The following AKAP19 variants were observed in gnomAD, a reference collection of about 807,000 sequenced individuals.
AKAP19 encodes the protein small A-kinase anchoring protein.
chr2:190,048,544 CCCATTAA>C, the AKAP19 span, among the ~76,000 whole-genome samples: 7 of 152,150 alleles, frequency 4.6e-5, no homozygotes, highest in Admixed American at 4.6e-4. Context: ...CCTGCTAGTA[CCCATTAA>C]CCATCCCCCC....
the AKAP19 span, among the ~76,000 whole-genome samples, chr2:189,893,663 C>T: frequency 3.3e-5 from 5 of 152,248 alleles, no homozygotes; most frequent in East Asian, 3.9e-4. Context: ...TGTTCCTGTT[C>T]GGCCATCGTG....
chr2:189,996,102 G>A, the AKAP19 span, among the ~76,000 whole-genome samples: 7 of 152,042 alleles, frequency 4.6e-5, no homozygotes, highest in African/African-American at 7.2e-5. Flanking sequence ...CTGAATTTCC[G>A]AGATGTTCTT....
chr2:190,051,874 G>A, the AKAP19 span, among the ~76,000 whole-genome samples: 3 of 147,176 alleles, frequency 2.0e-5, no homozygotes, highest in Non-Finnish European at 4.4e-5. Context: ...GTCTTGCTCT[G>A]TGGCCCAGGC....
the AKAP19 span, among the ~76,000 whole-genome samples, chr2:189,893,109 G>A: frequency 2.0e-5 from 3 of 152,272 alleles, no homozygotes; most frequent in East Asian, 1.9e-4. Flanking sequence ...GTCCCAGGTC[G>A]ACTTCAGACT....
At chr2:190,039,988 A>C in the AKAP19 span, among the ~76,000 whole-genome samples, 1 of 152,188 alleles carries the variant, frequency 6.6e-6, no homozygotes, top group African/African-American at 2.4e-5. Flanking sequence ...GAACATTTGC[A>C]TGCATGTATC....
the AKAP19 span, among the ~76,000 whole-genome samples, chr2:189,892,758 G>T: frequency 6.6e-6 from 1 of 152,212 alleles, no homozygotes; most frequent in East Asian, 1.9e-4. Context: ...GAGCTTGAGT[G>T]CTGTGCTGGG....
chr2:189,914,393 G>A, the AKAP19 span, among the ~76,000 whole-genome samples: 1 of 151,954 alleles, frequency 6.6e-6, no homozygotes, highest in Non-Finnish European at 1.5e-5. Context: ...TTCTTGGTAG[G>A]ATAAACAATT....
chr2:190,131,661 G>C, the AKAP19 span, among the ~76,000 whole-genome samples: 1 of 152,246 alleles, frequency 6.6e-6, no homozygotes, highest in Non-Finnish European at 1.5e-5. Context: ...TCAGGCCACA[G>C]CCTGGGGTTT....
chr2:190,029,459 A>C, the AKAP19 span, among the ~76,000 whole-genome samples: 10 of 152,224 alleles, frequency 6.6e-5, no homozygotes, highest in African/African-American at 2.4e-4. Flanking sequence ...ATAAAGAAAT[A>C]CCACACAGCC....
At chr2:189,985,701 A>G in the AKAP19 span, among the ~76,000 whole-genome samples, 1 of 152,222 alleles carries the variant, frequency 6.6e-6, no homozygotes, top group African/African-American at 2.4e-5. Flanking sequence ...AGTCCAGCTG[A>G]CAGCTTGAGT....
At chr2:190,038,961 C>CTTCT in the AKAP19 span, among the ~76,000 whole-genome samples, 1 of 145,046 alleles carries the variant, frequency 6.9e-6, no homozygotes, top group Admixed American at 6.9e-5. Context: ...TCTTCTTCTT[C>CTTCT]TTCTTCTTCT....
the AKAP19 span, among the ~76,000 whole-genome samples, chr2:190,177,950 A>T: frequency 6.6e-6 from 1 of 152,286 alleles, no homozygotes; most frequent in East Asian, 1.9e-4. The surrounding 1 kb of genome is among the most constrained non-coding windows in gnomAD (Gnocchi z 4.6). Context: ...AAACAAAACC[A>T]CTAAACACTT....
the AKAP19 span, among the ~76,000 whole-genome samples, chr2:190,096,605 T>C: frequency 3.3e-5 from 5 of 152,238 alleles, no homozygotes; most frequent in East Asian, 7.7e-4. Flanking sequence ...CATGCTATCA[T>C]TGACTCTGCT....
chr2:190,053,016 T>C, the AKAP19 span, among the ~76,000 whole-genome samples: 1 of 152,220 alleles, frequency 6.6e-6, no homozygotes, highest in African/African-American at 2.4e-5. Flanking sequence ...ATTTAAAACA[T>C]CAGCTTTATT....
the AKAP19 span, among the ~76,000 whole-genome samples, chr2:190,040,031 A>G: frequency 6.6e-6 from 1 of 152,346 alleles, no homozygotes; most frequent in Non-Finnish European, 1.5e-5. Context: ...ACATCTGGGT[A>G]TATACCCAGT....
At chr2:190,008,239 T>A in the AKAP19 span, among the ~76,000 whole-genome samples, 9 of 152,220 alleles carry the variant, frequency 5.9e-5, no homozygotes, top group African/African-American at 2.2e-4. Flanking sequence ...TTAAGCAAAG[T>A]ATGTAAATCC....
the AKAP19 span, among the ~76,000 whole-genome samples, chr2:190,002,505 C>T: frequency 6.6e-6 from 1 of 151,908 alleles, no homozygotes; most frequent in African/African-American, 2.4e-5. Context: ...AACAAACCTG[C>T]ACATAGTGCA....
chr2:189,969,447 G>A, the AKAP19 span, among the ~76,000 whole-genome samples: 1 of 152,084 alleles, frequency 6.6e-6, no homozygotes. Context: ...AACAGACTAA[G>A]ACACACCCAC....
chr2:190,057,498 A>G, the AKAP19 span: 4 of 1,613,548 alleles, frequency 2.5e-6, no homozygotes, highest in East Asian at 2.2e-5. Context: ...CGATAATCCA[A>G]TCCCATCCAA....
Sources: allele counts gnomAD v4.1 joint callset (sites outside exome capture counted in the v4.1 genomes callset), GRCh38; gene constraint gnomAD v4.1.1; non-coding constraint Gnocchi (gnomAD v3.1); transcripts MANE v1.5; gene names NCBI Gene and HGNC (gene_info 2026-07-23, HGNC 2026-07-21).